UBTD1: variants seen among roughly 807,000 people sequenced by gnomAD.
UBTD1 encodes the protein ubiquitin domain containing 1, also known as ubiquitin domain-containing protein 1.
Under a neutral mutation model 21.7 loss-of-function variants are expected in UBTD1, and 19 were observed. That is an observed-to-expected ratio of 0.87 (90% CI 0.61 to 1.28). The LOEUF (loss-of-function observed/expected upper bound fraction) is 1.28. UBTD1 is among the 50% of genes most tolerant of loss of function. UBTD1 has a pLI of 0.00. For synonymous variants in UBTD1, 116 were observed against 135.1 expected (o/e 0.86, Z 0.98); for missense variants, 282 against 315.1 (o/e 0.89, Z 0.80).
intron 1 of UBTD1, among the ~76,000 whole-genome samples, chr10:97,524,786 A>G (rs1490847728): frequency 5.3e-5 from 8 of 152,038 alleles, no homozygotes; most frequent in Non-Finnish European, 8.8e-5. Flanking sequence ...ATCATAGAAC[A>G]TTGTTGTTTG....
intron 1 of UBTD1, among the ~76,000 whole-genome samples, chr10:97,518,986 G>T (rs968020816): frequency 3.3e-5 from 5 of 152,180 alleles, no homozygotes; most frequent in African/African-American, 1.2e-4. Context: ...TGTGTAATTT[G>T]CCCAACATCA....
chr10:97,560,402 C>A (rs550075169), intron 1 of UBTD1, among the ~76,000 whole-genome samples: 2 of 152,254 alleles, frequency 1.3e-5, no homozygotes, highest in East Asian at 3.9e-4. Context: ...ATTAATAAGA[C>A]CTTGTTTAGT....
intron 1 of UBTD1, among the ~76,000 whole-genome samples, chr10:97,566,269 AT>A (rs11288150): frequency 0.65 from 93,868 of 144,668 alleles, 30,310 homozygotes; most frequent in Non-Finnish European, 0.69. Flanking sequence ...GCATATTGAG[AT>A]TTTTTTTTTT....
chr10:97,503,161 T>G (rs1330532703), intron 1 of UBTD1, among the ~76,000 whole-genome samples: 1 of 152,156 alleles, frequency 6.6e-6, no homozygotes, highest in East Asian at 1.9e-4. Context: ...AGTAATCTTC[T>G]TATCTTGGCT....
chr10:97,568,291 T>C, intron 2 of UBTD1, 150 bp downstream of exon 2: 1 of 762,948 alleles, frequency 1.3e-6, no homozygotes, highest in African/African-American at 1.7e-5. Context: ...GGACCAGGAG[T>C]GGGTACACAA....
intron 1 of UBTD1, among the ~76,000 whole-genome samples, chr10:97,552,393 C>CCT (rs144352429): frequency 1.7e-5 from 2 of 119,858 alleles, no homozygotes; most frequent in African/African-American, 3.3e-5. Context: ...ATTATACACC[C>CCT]TTTTTTTTTT....
At chr10:97,506,468 CCTTTTT>C (rs2135654366) in intron 1 of UBTD1, among the ~76,000 whole-genome samples, 1 of 151,954 alleles carries the variant, frequency 6.6e-6, no homozygotes, top group South Asian at 2.1e-4. Context: ...TTTTTTCTTT[CCTTTTT>C]CTTTTTTTTT....
At chr10:97,547,299 C>G (rs920461377) in intron 1 of UBTD1, among the ~76,000 whole-genome samples, 2 of 152,204 alleles carry the variant, frequency 1.3e-5, no homozygotes, top group African/African-American at 4.8e-5. Context: ...CCTCCCCTTC[C>G]TGGAGTCCTG....
intron 1 of UBTD1, among the ~76,000 whole-genome samples, chr10:97,549,930 C>G (rs941644064): frequency 6.6e-6 from 1 of 152,262 alleles, no homozygotes; most frequent in Non-Finnish European, 1.5e-5. Context: ...CCCCCCTCCC[C>G]GCCTGGGCTG....
intron 1 of UBTD1, among the ~76,000 whole-genome samples, chr10:97,524,293 G>T (rs1461062064): frequency 2.6e-5 from 4 of 152,076 alleles, no homozygotes; most frequent in Non-Finnish European, 5.9e-5. Context: ...ATGCGGGGGG[G>T]TCTCACTATG....
chr10:97,535,968 A>AATTATTATTATTATTATT (rs760908517), intron 1 of UBTD1, among the ~76,000 whole-genome samples: 50 of 90,172 alleles, frequency 5.5e-4, no homozygotes, highest in South Asian at 1.3e-3. Flanking sequence ...GTTGGAGAGA[A>AATTATTATTATTATTATT]ATTATTATTA....
chr10:97,544,129 T>TA (rs2040598590), intron 1 of UBTD1, among the ~76,000 whole-genome samples: 1 of 151,566 alleles, frequency 6.6e-6, no homozygotes, highest in Admixed American at 6.6e-5. Context: ...TAAAAAAATT[T>TA]AAAAAAATAC....
At position 97,534,579 on chromosome 10, in the gene UBTD1, G is replaced by GCACACACA. The variant is rs58308271; in HGVS notation, c.71-33309_71-33302dup. 3.7e-3 allele frequency among the ~76,000 whole-genome samples: 540 copies of GCACACACA among 145,334 alleles called. 7 individuals are homozygous for GCACACACA. Among genetic ancestry groups the GCACACACA allele is most frequent in the East Asian group, 0.035 (166 of 4,804 alleles). On this transcript the variant is annotated intron_variant, in intron 1 of 2. Transcript: ENST00000370664. Reference sequence around the variant, plus strand: ...CACTAAGGAACACACACGCGCGCGCGCACACACACACACACACACACACAC... The same window carrying GCACACACA: ...CACTAAGGAACACACACGCGCGCGCGCACACACACACACACACACACACACACACACAC...
chr10:97,567,088 T>G (rs1006351064), intron 1 of UBTD1, among the ~76,000 whole-genome samples: 22 of 151,836 alleles, frequency 1.4e-4, no homozygotes, highest in Non-Finnish European at 3.2e-4. Flanking sequence ...ATTTTTTTTT[T>G]GAGACATGGT....
intron 1 of UBTD1, among the ~76,000 whole-genome samples, chr10:97,502,835 G>A (rs150153233): frequency 0.013 from 1,870 of 147,080 alleles, 19 homozygotes; most frequent in African/African-American, 0.025. Context: ...GTGTGTGTGC[G>A]TATGTGTGTA....
intron 1 of UBTD1, among the ~76,000 whole-genome samples, chr10:97,512,585 G>T (rs1392655574): frequency 6.6e-6 from 1 of 152,232 alleles, no homozygotes; most frequent in Non-Finnish European, 1.5e-5. Context: ...GACAGAATGG[G>T]CCAGTCTTCA....
At chr10:97,537,453 C>G (rs941299249) in intron 1 of UBTD1, among the ~76,000 whole-genome samples, 5 of 152,330 alleles carry the variant, frequency 3.3e-5, no homozygotes, top group Non-Finnish European at 7.3e-5. Context: ...GACCTGTGCT[C>G]TTGCACCTGG....
intron 1 of UBTD1, among the ~76,000 whole-genome samples, chr10:97,547,523 C>T (rs1010438782): frequency 5.3e-5 from 8 of 152,128 alleles, no homozygotes; most frequent in African/African-American, 1.2e-4. Context: ...TCTGCTGCAC[C>T]GCGAAATAAA....
intron 1 of UBTD1, among the ~76,000 whole-genome samples, chr10:97,512,367 T>C (rs1048807455): frequency 6.6e-6 from 1 of 152,114 alleles, no homozygotes; most frequent in African/African-American, 2.4e-5. Flanking sequence ...CCCTATACTC[T>C]CATATCAGAT....
Sources: allele counts gnomAD v4.1 joint callset (sites outside exome capture counted in the v4.1 genomes callset), GRCh38; gene constraint gnomAD v4.1.1; transcripts MANE v1.5; gene names NCBI Gene and HGNC (gene_info 2026-07-23, HGNC 2026-07-21).